The following DDX10 variants were observed in gnomAD, a reference collection of about 807,000 sequenced individuals.
The protein encoded by DDX10 is DEAD-box helicase 10, also known as probable ATP-dependent RNA helicase DDX10.
Under a neutral mutation model 104.3 loss-of-function variants are expected in DDX10, and 74 were observed. The ratio of observed to expected loss-of-function variants is 0.71; its 90% CI spans 0.59 to 0.86. The LOEUF is 0.86. Among genes scored for constraint, DDX10 ranks in the 40% least tolerant of loss-of-function variants. The pLI is 0.00. For missense variants in DDX10, 952 were observed against 1,040.0 expected, an observed-to-expected ratio of 0.92 and a Z score of 1.16; for synonymous variants, 351 against 353.4, an observed-to-expected ratio of 0.99 and a Z score of 0.08.
chr11:108,812,373 C>A (rs1591824833), intron 13 of DDX10, among the ~76,000 whole-genome samples: 1 of 152,040 alleles, frequency 6.6e-6, no homozygotes, highest in East Asian at 1.9e-4. Flanking sequence ...CCTTTGTTTT[C>A]AGTTGACTTT....
At position 108,700,645 on chromosome 11, in the gene DDX10, C is replaced by T. The variant is rs2094266456; in HGVS notation, c.1224-6094C>T. 2.6e-5 allele frequency among the ~76,000 whole-genome samples: 4 copies of T among 152,188 alleles called. No homozygotes were observed. In the South Asian group the frequency reaches 8.3e-4, roughly 32 times the overall value. On this transcript the variant is annotated intron_variant, in intron 9 of 17. Coordinates refer to ENST00000322536, the MANE Select transcript of DDX10 (RefSeq NM_004398.4). ...GATAGACATCCTGTAGTTGTTCCAT[C>T]ACTGCTTTTAGAAAGTCAGGAATCT...
chr11:108,689,394 A>G (rs1463938092), intron 7 of DDX10, among the ~76,000 whole-genome samples: 1 of 152,222 alleles, frequency 6.6e-6, no homozygotes, highest in African/African-American at 2.4e-5. Context: ...ATGGGAATGA[A>G]TATACCATTT....
intron 13 of DDX10, among the ~76,000 whole-genome samples, chr11:108,777,218 A>C (rs2094371006): frequency 6.6e-6 from 1 of 152,146 alleles, no homozygotes; most frequent in Non-Finnish European, 1.5e-5. Context: ...TTGGATTTGT[A>C]ATTGTTGCTA....
At chr11:108,821,111 G>A (rs1469219694) in intron 13 of DDX10, among the ~76,000 whole-genome samples, 1 of 152,140 alleles carries the variant, frequency 6.6e-6, no homozygotes, top group Non-Finnish European at 1.5e-5. Context: ...GTGTTTCAGA[G>A]GGATGAAGTA....
chr11:108,792,611 T>C (rs1343355201), intron 13 of DDX10, among the ~76,000 whole-genome samples: 1 of 152,188 alleles, frequency 6.6e-6, no homozygotes, highest in East Asian at 1.9e-4. Context: ...ATCCTATTCC[T>C]TTGATTATCT....
At chr11:108,919,895 C>T (rs888936822) in intron 17 of DDX10, 3 of 152,058 alleles carry the variant, frequency 2.0e-5, no homozygotes, top group African/African-American at 7.2e-5. Flanking sequence ...TCTCTAGTAG[C>T]TCATGTGTTT....
intron 17 of DDX10, among the ~76,000 whole-genome samples, chr11:108,934,060 G>T (rs375010583): frequency 2.0e-5 from 3 of 152,314 alleles, no homozygotes; most frequent in Admixed American, 6.5e-5. Flanking sequence ...TGGTGCGATG[G>T]AAGTGTGCAC....
At position 108,837,607 on chromosome 11, in the gene DDX10, CTTTTTTTTTTTTTTTTTTT is replaced by C. The variant is rs142381520; in HGVS notation, c.1966-822_1966-804del. ...TTCTGCATCTCACCTTTGGATACAG[CTTTTTTTTTTTTTTTTTTT>C]TTTTTTTTTTTTTTTTAGGCAAAGC... On this transcript the variant is annotated intron_variant, in intron 13 of 17. Coordinates refer to ENST00000322536, the MANE Select transcript of DDX10 (RefSeq NM_004398.4). Among the ~76,000 whole-genome samples the C allele has an allele frequency of 2.5e-3, 88 of 34,754 alleles. No individual in the cohort carries two copies. In the Middle Eastern group the frequency reaches 0.12, roughly 46 times the overall value. 22.8% of individuals were successfully genotyped at this position (34,754 alleles called of 152,430 possible).
At chr11:108,802,016 T>TGTGTGC (rs1862028965) in intron 13 of DDX10, among the ~76,000 whole-genome samples, 1 of 150,276 alleles carries the variant, frequency 6.7e-6, no homozygotes. Flanking sequence ...GTGGGGTGTG[T>TGTGTGC]GTGTGTGTGT....
chr11:108,766,882 C>A (rs2094357002), intron 13 of DDX10, among the ~76,000 whole-genome samples: 1 of 152,172 alleles, frequency 6.6e-6, no homozygotes, highest in South Asian at 2.1e-4. Flanking sequence ...GTGCAGCCAT[C>A]AGGACTTTAG....
At chr11:108,776,859 C>T (rs567203846) in intron 13 of DDX10, among the ~76,000 whole-genome samples, 35 of 152,242 alleles carry the variant, frequency 2.3e-4, no homozygotes, top group African/African-American at 6.3e-4. Context: ...GTCCTACAAC[C>T]GGAAAGGAAG....
intron 17 of DDX10, among the ~76,000 whole-genome samples, chr11:108,922,530 T>C (rs966087078): frequency 1.2e-4 from 19 of 152,216 alleles, no homozygotes; most frequent in African/African-American, 4.3e-4. Flanking sequence ...CCAGATTTAG[T>C]GGAGAATGAC....
chr11:108,707,873 G>A (rs1192119862), intron 10 of DDX10, among the ~76,000 whole-genome samples: 1 of 152,128 alleles, frequency 6.6e-6, no homozygotes, highest in South Asian at 2.1e-4. Flanking sequence ...TTGGATTAAC[G>A]TTCAGCTTTC....
At chr11:108,695,074 A>C (rs989155157) in intron 9 of DDX10, among the ~76,000 whole-genome samples, 2 of 152,214 alleles carry the variant, frequency 1.3e-5, no homozygotes, top group Non-Finnish European at 2.9e-5. Context: ...TCTGGATAGC[A>C]TATGGTAATA....
chr11:108,709,278 G>GT (rs1343574319), intron 10 of DDX10, among the ~76,000 whole-genome samples: 1 of 152,170 alleles, frequency 6.6e-6, no homozygotes, highest in African/African-American at 2.4e-5. Flanking sequence ...TTGGTCTGTA[G>GT]TTTTTTCTCC....
intron 13 of DDX10, among the ~76,000 whole-genome samples, chr11:108,824,605 AAGAG>A (rs1214251229): frequency 6.6e-6 from 1 of 152,182 alleles, no homozygotes; most frequent in African/African-American, 2.4e-5. Flanking sequence ...GAAATCTAAA[AAGAG>A]AGGGAAAAAT....
At chr11:108,744,090 A>C (rs769640432) in intron 13 of DDX10, among the ~76,000 whole-genome samples, 1 of 152,198 alleles carries the variant, frequency 6.6e-6, no homozygotes, top group African/African-American at 2.4e-5. Flanking sequence ...AAAATGATTC[A>C]TAAGCTTTTT....
At chr11:108,684,088 C>A (rs2094239304) in intron 6 of DDX10, among the ~76,000 whole-genome samples, 1 of 114,940 alleles carries the variant, frequency 8.7e-6, no homozygotes. Flanking sequence ...TTTTAGTAAT[C>A]TTTGGACTCC....
intron 9 of DDX10, among the ~76,000 whole-genome samples, chr11:108,702,486 A>G (rs887260331): frequency 3.9e-5 from 6 of 152,244 alleles, no homozygotes; most frequent in Middle Eastern, 3.2e-3. Flanking sequence ...ATGAATGAGC[A>G]AAGTTTAAGG....
Sources: allele counts gnomAD v4.1 joint callset (sites outside exome capture counted in the v4.1 genomes callset), GRCh38; gene constraint gnomAD v4.1.1; transcripts MANE v1.5; gene names NCBI Gene and HGNC (gene_info 2026-07-23, HGNC 2026-07-21).